Variants in CEP120 observed in about 807,000 individuals in gnomAD.
CEP120 encodes the protein centrosomal protein 120, also known as centrosomal protein of 120 kDa.
CEP120 carries 113 observed loss-of-function variants against 126.5 expected under a neutral mutation model. The observed-to-expected ratio is 0.89, with a 90% CI of 0.77 to 1.04. CEP120 has a LOEUF of 1.04. Ranked by LOEUF, CEP120 falls within the 50% of genes least tolerant of loss-of-function variation. The pLI is 0.00. For synonymous variants in CEP120, 400 were observed against 394.3 expected, an observed-to-expected ratio of 1.01 and a Z score of -0.17; for missense variants, 1,230 against 1,155.7, an observed-to-expected ratio of 1.06 and a Z score of -0.93.
chr5:123,397,028 G>A (rs577071374), intron 5 of CEP120, among the ~76,000 whole-genome samples: 2 of 152,152 alleles, frequency 1.3e-5, no homozygotes, highest in Non-Finnish European at 2.9e-5. Context: ...TATTAAAACA[G>A]TGATTTTAAA....
At position 123,349,947 on chromosome 5, in the gene CEP120, T is replaced by C; in HGVS notation, c.2723A>G (p.Asn908Ser). 6.2e-7 allele frequency: 1 copy of C among 1,612,824 alleles called. No individual in the cohort carries two copies. Among genetic ancestry groups the C allele is most frequent in the Non-Finnish European group, 8.5e-7 (1 of 1,179,596 alleles). ...QELLDIRNEL[N>S]RLRQQEQKQY... ...GAAACACTTTTAGTTATTATACCTGTTCAATTCATTTCTTATATCCAACAA... is the reference window on the plus strand; with the variant it reads ...GAAACACTTTTAGTTATTATACCTGCTCAATTCATTTCTTATATCCAACAA... The change falls in exon 19 of 20, where the codon AAC becomes AGC. Residue 908 changes from asparagine to serine, a missense_variant. Asn to Ser is a conservative substitution (Grantham distance 46, BLOSUM62 1). Transcript: ENST00000306467.
chr5:123,383,058 A>C lies in CEP120; in HGVS notation c.1788T>G (p.Leu596=). ...AQGSNNRIAD[L]SYTVTLEDYG... ...AATCTTCTAGAGTCACTGTGTAAGA[A>C]AGATCTGCTATCCTGTTATTTGATC... Residue 596 remains leucine (L), a synonymous_variant, in exon 12 of 20, where the codon CTT becomes CTG. Transcript: ENST00000306467. The C allele has an allele frequency of 6.5e-7, 1 of 1,542,074 alleles. No homozygotes were observed. The highest frequency in any genetic ancestry group is 8.9e-7 in the Non-Finnish European group (1 of 1,118,822).
At chr5:123,409,985 A>C (rs1195078902) in intron 4 of CEP120, among the ~76,000 whole-genome samples, 1 of 109,544 alleles carries the variant, frequency 9.1e-6, no homozygotes, top group Non-Finnish European at 1.9e-5. Flanking sequence ...AAAAAAAAAA[A>C]AAAAAACCAC....
chr5:123,410,863 T>C (rs1433717245), intron 4 of CEP120, among the ~76,000 whole-genome samples: 1 of 152,148 alleles, frequency 6.6e-6, no homozygotes, highest in African/African-American at 2.4e-5. Context: ...AAACTTCTGC[T>C]CTGGGAAAGA....
At chr5:123,368,813 C>T (rs990254498) in intron 17 of CEP120, among the ~76,000 whole-genome samples, 1 of 151,914 alleles carries the variant, frequency 6.6e-6, no homozygotes, top group Non-Finnish European at 1.5e-5. Context: ...TGTATAATAT[C>T]ACAACAGAGT....
At chr5:123,361,213 T>C (rs1770054178) in intron 18 of CEP120, among the ~76,000 whole-genome samples, 1 of 151,848 alleles carries the variant, frequency 6.6e-6, no homozygotes, top group Non-Finnish European at 1.5e-5. Context: ...TGATTTCCTA[T>C]CCAGTAGTGT....
chr5:123,406,570 G>C (rs767515781), intron 4 of CEP120, among the ~76,000 whole-genome samples: 104 of 137,772 alleles, frequency 7.5e-4, no homozygotes, highest in Non-Finnish European at 1.3e-3. Flanking sequence ...GTAGAGTGAA[G>C]TATTTACAAT....
intron 5 of CEP120, among the ~76,000 whole-genome samples, 184 bp downstream of exon 5, chr5:123,398,952 A>C (rs1295794730): frequency 6.6e-6 from 1 of 152,178 alleles, no homozygotes; most frequent in Admixed American, 6.5e-5. Context: ...CAAGATCATC[A>C]AAATCTATTT....
chr5:123,368,779 T>C (rs1488382965), intron 17 of CEP120, among the ~76,000 whole-genome samples: 7 of 151,938 alleles, frequency 4.6e-5, no homozygotes, highest in Admixed American at 2.0e-4. Flanking sequence ...AAATGTACAC[T>C]GGAGTTTTCC....
intron 3 of CEP120, among the ~76,000 whole-genome samples, chr5:123,414,146 C>A (rs919579365): frequency 1.3e-5 from 2 of 152,160 alleles, no homozygotes; most frequent in Non-Finnish European, 2.9e-5. Context: ...ATGACCTCAT[C>A]CCTCAGATAC....
chr5:123,399,641 AAG>A (rs1254850296), intron 4 of CEP120, among the ~76,000 whole-genome samples: 74 of 152,296 alleles, frequency 4.9e-4, no homozygotes, highest in African/African-American at 1.6e-3. Flanking sequence ...GAGTAAAAAA[AAG>A]AGTGTTCTAG....
At chr5:123,352,201 T>A (rs183172018) in intron 18 of CEP120, among the ~76,000 whole-genome samples, 19 of 152,212 alleles carry the variant, frequency 1.2e-4, no homozygotes, top group African/African-American at 4.3e-4. Flanking sequence ...ATCAATTATA[T>A]AAATTACAAC....
At chr5:123,387,899 C>T (rs4348209) in intron 9 of CEP120, among the ~76,000 whole-genome samples, 67,223 of 151,654 alleles carry the variant, frequency 0.44, 14,823 homozygotes, top group East Asian at 0.48. Flanking sequence ...TAGACACATT[C>T]CACTTACAGC....
chr5:123,390,205 C>T, intron 7 of CEP120, 65 bp from the exon 8 acceptor site: 14 of 1,161,820 alleles, frequency 1.2e-5, no homozygotes, highest in Non-Finnish European at 1.6e-5. Context: ...AAGCAAAAAA[C>T]TTGGCATTGT....
intron 3 of CEP120, among the ~76,000 whole-genome samples, chr5:123,413,521 T>C (rs1774200871): frequency 6.6e-6 from 1 of 152,116 alleles, no homozygotes; most frequent in Non-Finnish European, 1.5e-5. Flanking sequence ...AAAAATATCA[T>C]GCCTACATAT....
At chr5:123,383,292 A>G (rs1263999399) in intron 11 of CEP120, among the ~76,000 whole-genome samples, 1 of 152,074 alleles carries the variant, frequency 6.6e-6, no homozygotes, top group Non-Finnish European at 1.5e-5. Flanking sequence ...AAATACACGC[A>G]TACATTTACT....
intron 17 of CEP120, among the ~76,000 whole-genome samples, chr5:123,368,811 A>G (rs957663085): frequency 6.6e-6 from 1 of 152,014 alleles, no homozygotes; most frequent in South Asian, 2.1e-4. Context: ...GATGTATAAT[A>G]TCACAACAGA....
At chr5:123,373,440 T>C (rs946659101) in intron 16 of CEP120, among the ~76,000 whole-genome samples, 2 of 151,922 alleles carry the variant, frequency 1.3e-5, no homozygotes, top group African/African-American at 2.4e-5. Flanking sequence ...ATTTGAAGAG[T>C]TGAGGACGAA....
rs1309449215 is a variant in CEP120 at position 123,416,112 on chromosome 5, A to G, written c.219T>C (p.Thr73=). 5.0e-6 allele frequency: 8 copies of G among 1,602,112 alleles called. No individual in the cohort carries two copies. Among genetic ancestry groups the G allele is most frequent in the Non-Finnish European group, 6.8e-6 (8 of 1,169,380 alleles). The change falls in exon 3 of 20, where the codon ACT becomes ACC. Residue 73 remains threonine, a synonymous_variant. Coordinates refer to ENST00000306467, the MANE Select transcript of CEP120 (RefSeq NM_001375405.1). The part of the protein sequence containing the change: ...KALHQHRLQR[T]PIKLQCFALD... ...AGGCAAAACATTGGAGTTTGATAGG[A>G]GTACGCTGTAGCCTATAACAAAACA...
Sources: allele counts gnomAD v4.1 joint callset (sites outside exome capture counted in the v4.1 genomes callset), GRCh38; gene constraint gnomAD v4.1.1; transcripts MANE v1.5; gene names NCBI Gene and HGNC (gene_info 2026-07-23, HGNC 2026-07-21).